SMG8: variants seen among roughly 807,000 people sequenced by gnomAD.
The protein encoded by SMG8 is SMG8 nonsense mediated mRNA decay factor.
SMG8 carries 49 observed loss-of-function variants against 82.1 expected under a neutral mutation model. The ratio of observed to expected loss-of-function variants is 0.60; its 90% CI spans 0.47 to 0.76. The LOEUF (loss-of-function observed/expected upper bound fraction) is 0.76, where lower values mean the gene tolerates loss of function less well. Ranked by LOEUF, SMG8 falls within the 30% of genes least tolerant of loss-of-function variation. The pLI is 0.00. For missense variants in SMG8, 969 were observed against 1,166.4 expected, an observed-to-expected ratio of 0.83 and a Z score of 2.46; for synonymous variants, 404 against 430.0, an observed-to-expected ratio of 0.94 and a Z score of 0.75.
In SMG8 at chr17:59,211,166, C is replaced by A; in HGVS notation, c.1115C>A (p.Pro372His). 1.2e-6 allele frequency: 2 copies of A among 1,614,124 alleles called. No homozygotes were observed. The highest frequency in any genetic ancestry group is 1.7e-6 in the Non-Finnish European group (2 of 1,179,994). ...KDPESLLVPA[P>H]LSGPRRYQVM... is the part of the protein sequence containing the mutation. Reference sequence around the variant, plus strand: ...CCGGAATCTTTGCTGGTGCCTGCACCCCTTTCTGGGCCTAGGCGATACCAG... The same window carrying A: ...CCGGAATCTTTGCTGGTGCCTGCACACCTTTCTGGGCCTAGGCGATACCAG... The change falls in exon 1 of 4, where the codon CCC becomes CAC. Residue 372 changes from proline to histidine, a missense_variant. This residue lies in a region of SMG8 where 662 missense variants were observed against 884.8 expected (regional missense o/e 0.75). Transcript: ENST00000300917.
At position 59,210,124 on chromosome 17, in the gene SMG8, G is replaced by C. The variant is rs1283277866; in HGVS notation, c.73G>C (p.Gly25Arg). 1 of 1,583,544 alleles carries C rather than the reference G, an allele frequency of 6.3e-7. No homozygotes were observed. Among genetic ancestry groups the C allele is most frequent in the Admixed American group, 1.9e-5 (1 of 53,994 alleles). The change falls in exon 1 of 4, where the codon GGG (glycine) becomes CGG (arginine). Residue 25 changes from glycine (G) to arginine (R), a missense_variant. Gly to Arg is a moderately radical substitution (Grantham distance 125). Transcript: ENST00000300917. ...CTGGATGGGCTCTGAAAGTCCCGGA[G>C]GGTCCCCTACTGAGGGCGGAGGGAG... ...SAWMGSESPG[G>R]SPTEGGGSAA...
At chr17:59,214,692 C>A in intron 3 of SMG8, 113 bp from the exon 4 acceptor site, 1 of 674,642 alleles carries the variant, frequency 1.5e-6, no homozygotes, top group Non-Finnish European at 2.6e-6. Context: ...CAGGCGTGAG[C>A]CACCAGGTCT....
In SMG8 at chr17:59,215,096, A is replaced by C; in HGVS notation, c.*94A>C. The C allele has an allele frequency of 5.4e-6, 4 of 738,268 alleles. No homozygotes were observed. Among genetic ancestry groups the C allele is most frequent in the Non-Finnish European group, 9.5e-6 (4 of 422,976 alleles). The allele number at this position is 738,268 out of a possible 1,614,324, so 45.7% of individuals were successfully genotyped here. On this transcript the variant is annotated 3_prime_UTR_variant, in exon 4 of 4. Coordinates refer to ENST00000300917, the MANE Select transcript of SMG8 (RefSeq NM_018149.7). Reference sequence around the variant, plus strand: ...TGGTATGTGTTTACTGTGTTTTCCCAAATCCAAAATGTGTTTTGGTTACAG... The same window carrying C: ...TGGTATGTGTTTACTGTGTTTTCCCCAATCCAAAATGTGTTTTGGTTACAG...
rs1323560796 is a variant in SMG8, at chr17:59,210,165, G to A, written c.114G>A (p.Pro38=). The A allele has an allele frequency of 1.3e-6, 2 of 1,590,310 alleles. No homozygotes were observed. The highest frequency in any genetic ancestry group is 1.3e-5 in the African/African-American group (1 of 74,206). Residue 38 remains proline, a synonymous_variant, in exon 1 of 4, where the codon CCG becomes CCA. Coordinates refer to ENST00000300917, the MANE Select transcript of SMG8 (RefSeq NM_018149.7). Reference sequence around the variant, plus strand: ...GCGGAGGGAGCGCGGCTGGCGGACCGGAGCCTCCATGGCGGGAGGATGAGA... The same window carrying A: ...GCGGAGGGAGCGCGGCTGGCGGACCAGAGCCTCCATGGCGGGAGGATGAGA... ...TEGGGSAAGG[P]EPPWREDEIC...
chr17:59,212,645 A>T (rs1277617400), intron 2 of SMG8, 84 bp from the exon 3 acceptor site: 1 of 1,488,720 alleles, frequency 6.7e-7, no homozygotes, highest in Non-Finnish European at 9.0e-7. Context: ...ATATTTACTT[A>T]CACATCAATT....
Position 59,213,346 on chromosome 17 carries a change from C to T in SMG8, c.2523C>T (p.Asp841=). Residue 841 remains aspartate, a synonymous_variant, in exon 3 of 4, where the codon GAC becomes GAT. Transcript: ENST00000300917. ...TGGGAAGAGGAAGACGGCGAGATGACATAGCTCGAGCTTTTGTGGGCTTTG... is the reference window on the plus strand; with the variant it reads ...TGGGAAGAGGAAGACGGCGAGATGATATAGCTCGAGCTTTTGTGGGCTTTG... The part of the protein sequence containing the change: ...VVMGRGRRRD[D]IARAFVGFEY... 1.2e-6 allele frequency: 2 copies of T among 1,614,188 alleles called. No individual in the cohort carries two copies. The highest frequency in any genetic ancestry group is 1.7e-6 in the Non-Finnish European group (2 of 1,180,048).
Position 59,215,148 on chromosome 17 carries a change from T to G in SMG8, c.*146T>G. 1 of 579,670 alleles carries G rather than the reference T, an allele frequency of 1.7e-6. No individual in the cohort carries two copies. The highest frequency in any genetic ancestry group is 3.1e-6 in the Non-Finnish European group (1 of 326,788). The allele number at this position is 579,670 out of a possible 1,614,324, so 35.9% of individuals were successfully genotyped here. A position where few individuals can be genotyped will look rare whatever the true frequency, so the allele number is the denominator to read the frequency against. On this transcript the variant is annotated 3_prime_UTR_variant, in exon 4 of 4. Transcript: ENST00000300917. ...AGTTCAGTATTTGGAAACTAATTTG[T>G]TCTACTTTTTCATTATATTGTTGAT...
Position 59,211,799 on chromosome 17 carries a change from T to A in SMG8, c.1748T>A (p.Leu583Ter). ...DQHCVHKFHS[L>*]PKSGEKPEAD... The stretch of plus-strand genomic sequence containing the variant: ...CACTGTGTGCACAAATTTCACTCAT[T>A]ACCTAAATCAGGTAGCTAAAATTTG... The change falls in exon 1 of 4, where the codon TTA becomes TAA. Residue 583 changes from leucine to a stop codon, truncating the protein, a stop_gained. Coordinates refer to ENST00000300917, the MANE Select transcript of SMG8 (RefSeq NM_018149.7). LOFTEE classifies it high-confidence loss of function. 6.5e-7 allele frequency: 1 copy of A among 1,530,226 alleles called. No homozygotes were observed. Among genetic ancestry groups the A allele is most frequent in the Non-Finnish European group, 8.7e-7 (1 of 1,144,146 alleles). 94.8% of individuals were successfully genotyped at this position (1,530,226 alleles called of 1,614,324 possible). A position where few individuals can be genotyped will look rare whatever the true frequency, so the allele number is the denominator to read the frequency against.
In SMG8 at chr17:59,215,165, A is replaced by G; in HGVS notation, c.*163A>G. On this transcript the variant is annotated 3_prime_UTR_variant, in exon 4 of 4. Transcript: ENST00000300917. ...CTAATTTGTTCTACTTTTTCATTAT[A>G]TTGTTGATATTTATTGTAAACGTGA... The G allele has an allele frequency of 3.5e-6, 2 of 564,208 alleles. No homozygotes were observed. The highest frequency in any genetic ancestry group is 6.3e-6 in the Non-Finnish European group (2 of 318,768). 35.0% of individuals were successfully genotyped at this position (564,208 alleles called of 1,614,324 possible).
In SMG8 at chr17:59,213,344, G is replaced by A; in HGVS notation, c.2521G>A (p.Asp841Asn). ...AATGGGAAGAGGAAGACGGCGAGATGACATAGCTCGAGCTTTTGTGGGCTT... is the reference window on the plus strand; with the variant it reads ...AATGGGAAGAGGAAGACGGCGAGATAACATAGCTCGAGCTTTTGTGGGCTT... ...VVMGRGRRRD[D>N]IARAFVGFEY... The change falls in exon 3 of 4, where the codon GAC becomes AAC. Residue 841 changes from aspartate (D) to asparagine (N), a missense_variant. Asp to Asn is a conservative substitution (Grantham distance 23, BLOSUM62 1). This residue lies in a region of SMG8 where 662 missense variants were observed against 884.8 expected (regional missense o/e 0.75). Transcript: ENST00000300917. The A allele has an allele frequency of 6.2e-7, 1 of 1,614,230 alleles. No homozygotes were observed. The highest frequency in any genetic ancestry group is 1.1e-5 in the South Asian group (1 of 91,082).
Position 59,211,407 on chromosome 17 carries a change from T to A in SMG8, c.1356T>A (p.Ala452=). Residue 452 remains alanine, a synonymous_variant, in exon 1 of 4, where the codon GCT becomes GCA. Coordinates refer to ENST00000300917, the MANE Select transcript of SMG8 (RefSeq NM_018149.7). ...LPTYQKWISA[A]SKLYEVAIDG... is the part of the protein sequence containing the mutation. ...CTTATCAGAAGTGGATCTCAGCAGC[T>A]TCAAAACTGTATGAGGTGGCTATTG... 6.2e-7 allele frequency: 1 copy of A among 1,614,196 alleles called. No homozygotes were observed. Among genetic ancestry groups the A allele is most frequent in the Non-Finnish European group, 8.5e-7 (1 of 1,180,028 alleles).
In SMG8 at chr17:59,210,372, C is replaced by A. The variant is rs188725649; in HGVS notation, c.321C>A (p.Asp107Glu). 1.2e-6 allele frequency: 2 copies of A among 1,610,508 alleles called. No homozygotes were observed. The highest frequency in any genetic ancestry group is 1.3e-5 in the African/African-American group (1 of 74,904). Reference protein sequence around the residue: ...GAVGEAGGAEDPGAAAGGSVR... With the variant: ...GAVGEAGGAEEPGAAAGGSVR... ...TGGGTGAGGCCGGTGGAGCCGAGGACCCTGGGGCTGCAGCCGGGGGTTCAG... is the reference window on the plus strand; with the variant it reads ...TGGGTGAGGCCGGTGGAGCCGAGGAACCTGGGGCTGCAGCCGGGGGTTCAG... Residue 107 changes from aspartate to glutamate, a missense_variant, in exon 1 of 4, where the codon GAC (aspartate) becomes GAA (glutamate). By Grantham distance (45) the Asp-to-Glu change is conservative. Coordinates refer to ENST00000300917, the MANE Select transcript of SMG8 (RefSeq NM_018149.7).
rs141773415 is a variant in SMG8 at position 59,214,860 on chromosome 17, C to A, written c.2834C>A (p.Thr945Asn). The change falls in exon 4 of 4, where the codon ACC becomes AAC. Residue 945 changes from threonine to asparagine, a missense_variant. Thr to Asn is a moderately conservative substitution (Grantham distance 65, BLOSUM62 0). This residue lies in a region of SMG8 where 101 missense variants were observed against 91.1 expected (regional missense o/e 1.11). Transcript: ENST00000300917. ...TTCTACCCAGAAAAACAAGAAATCACCCTTCCACCTGATGGCCTTTGGGTT... is the reference window on the plus strand; with the variant it reads ...TTCTACCCAGAAAAACAAGAAATCAACCTTCCACCTGATGGCCTTTGGGTT... ...PVFYPEKQEI[T>N]LPPDGLWVLR... is the part of the protein sequence containing the mutation. The A allele has an allele frequency of 1.1e-6, 1 of 873,002 alleles. No homozygotes were observed. Among genetic ancestry groups the A allele is most frequent in the South Asian group, 1.3e-5 (1 of 76,550 alleles). 54.1% of individuals were successfully genotyped at this position (873,002 alleles called of 1,614,324 possible). A position where few individuals can be genotyped will look rare whatever the true frequency, so the allele number is the denominator to read the frequency against.
chr17:59,210,949 C>CT lies in SMG8; in HGVS notation c.899dup (p.Gln301AlafsTer10). On this transcript the variant is annotated frameshift_variant, in exon 1 of 4. Coordinates refer to ENST00000300917, the MANE Select transcript of SMG8 (RefSeq NM_018149.7). LOFTEE classifies it high-confidence loss of function. ...CAAGAAACATTCTCCCAAAAGGAGG[C>CT]TGCAGCATGCCCTGGAGGACCAGAT... 5 of 1,614,184 alleles carry CT rather than the reference C, an allele frequency of 3.1e-6. No individual in the cohort carries two copies. The highest frequency in any genetic ancestry group is 4.2e-6 in the Non-Finnish European group (5 of 1,180,030).
Position 59,210,043 on chromosome 17 carries a change from C to T in SMG8, c.-9C>T, listed in dbSNP as rs113212032. The stretch of plus-strand genomic sequence containing the variant: ...CGGACCGGAAGGACTCTAGAGAACG[C>T]TCTGCACTATGGCTGGTCCCGTGAG... On this transcript the variant is annotated 5_prime_UTR_variant, in exon 1 of 4. Transcript: ENST00000300917. 2.6e-6 allele frequency: 4 copies of T among 1,530,494 alleles called. No individual in the cohort carries two copies. Among genetic ancestry groups the T allele is most frequent in the South Asian group, 1.3e-5 (1 of 77,554 alleles). 94.8% of individuals were successfully genotyped at this position (1,530,494 alleles called of 1,614,324 possible).
chr17:59,212,045 T>TTAAGTAG (rs1350265416), intron 1 of SMG8: 5 of 436,064 alleles, frequency 1.1e-5, no homozygotes, highest in Non-Finnish European at 1.6e-5. Flanking sequence ...GTGAGAATTA[T>TTAAGTAG]TAAGTAGTAT....
rs1330487930 is a variant in SMG8 at position 59,211,416 on chromosome 17, G to A, written c.1365G>A (p.Leu455=). The A allele has an allele frequency of 6.2e-7, 1 of 1,614,098 alleles. No individual in the cohort carries two copies. The highest frequency in any genetic ancestry group is 1.3e-5 in the African/African-American group (1 of 74,936). ...AGTGGATCTCAGCAGCTTCAAAACT[G>A]TATGAGGTGGCTATTGATGGGAAAG... ...YQKWISAASK[L]YEVAIDGKEE... The change falls in exon 1 of 4, where the codon CTG becomes CTA. Residue 455 remains leucine, a synonymous_variant. Coordinates refer to ENST00000300917, the MANE Select transcript of SMG8 (RefSeq NM_018149.7).
At chr17:59,212,201 GTATTT>G in intron 1 of SMG8, 135 bp from the exon 2 acceptor site, 1 of 605,842 alleles carries the variant, frequency 1.7e-6, no homozygotes, top group African/African-American at 1.8e-5. Context: ...ATAATATAAA[GTATTT>G]TATATACTTT....
Position 59,210,669 on chromosome 17 carries a change from C to CT in SMG8, c.619dup (p.Cys207LeufsTer14), listed in dbSNP as rs1298741813. On this transcript the variant is annotated frameshift_variant, in exon 1 of 4. Coordinates refer to ENST00000300917, the MANE Select transcript of SMG8 (RefSeq NM_018149.7). LOFTEE classifies it high-confidence loss of function. ...TCAGTCTCCTTTACCTATTCTCTGT[C>CT]TGTCATATCTTGCTTCTGGTCCATC... 1.9e-6 allele frequency: 3 copies of CT among 1,614,098 alleles called. No homozygotes were observed. The highest frequency in any genetic ancestry group is 2.2e-5 in the East Asian group (1 of 44,890).
Sources: allele counts gnomAD v4.1 joint callset, GRCh38; gene constraint gnomAD v4.1.1; regional missense constraint gnomAD v4.1.1; transcripts MANE v1.5; gene names NCBI Gene and HGNC (gene_info 2026-07-23, HGNC 2026-07-21).